Variants in PLXDC2 observed in about 807,000 individuals in gnomAD.
PLXDC2 encodes the protein plexin domain-containing protein 2.
In PLXDC2, 40 loss-of-function variants were observed where a neutral mutation model predicts 68.9. The observed-to-expected ratio is 0.58, with a 90% confidence interval of 0.45 to 0.76. PLXDC2 has a LOEUF of 0.76. PLXDC2 is among the 30% of genes least tolerant of loss of function. The pLI is 0.00. For missense variants in PLXDC2, 644 were observed against 661.9 expected (o/e 0.97, Z 0.30); for synonymous variants, 243 against 234.2 (o/e 1.04, Z -0.34).
At chr10:20,124,565 C>G (rs997137716) in intron 4 of PLXDC2, among the ~76,000 whole-genome samples, 5 of 152,124 alleles carry the variant, frequency 3.3e-5, no homozygotes, top group African/African-American at 1.2e-4. Context: ...GACCACCAAA[C>G]AGGCTTTGTG....
chr10:19,888,891 T>C (rs1837897173), intron 1 of PLXDC2, among the ~76,000 whole-genome samples: 1 of 152,162 alleles, frequency 6.6e-6, no homozygotes, highest in Non-Finnish European at 1.5e-5. Flanking sequence ...TGTCACAGTT[T>C]TGACAATGCC....
At chr10:19,845,526 G>A (rs1453547258) in intron 1 of PLXDC2, among the ~76,000 whole-genome samples, 1 of 152,162 alleles carries the variant, frequency 6.6e-6, no homozygotes, top group Non-Finnish European at 1.5e-5. Context: ...GTGATGCAGG[G>A]CAGGTGACCC....
At chr10:20,271,132 G>GACACACACACATACAC (rs372504677) in intron 13 of PLXDC2, among the ~76,000 whole-genome samples, 11,060 of 97,684 alleles carry the variant, frequency 0.11, 600 homozygotes, top group African/African-American at 0.18. Context: ...ACAAAAAACA[G>GACACACACACATACAC]ACACACACAC....
intron 1 of PLXDC2, among the ~76,000 whole-genome samples, chr10:19,966,980 G>A (rs1486232541): frequency 2.0e-5 from 3 of 152,164 alleles, no homozygotes; most frequent in Admixed American, 1.3e-4. Context: ...CTGCCCAGAC[G>A]TAAATCCCAG....
chr10:20,223,196 A>T (rs1835238323), intron 12 of PLXDC2, among the ~76,000 whole-genome samples: 2 of 152,152 alleles, frequency 1.3e-5, no homozygotes, highest in South Asian at 4.1e-4. Flanking sequence ...GAGGTACAAA[A>T]ATGTTAAGTT....
At chr10:20,009,325 G>C (rs919779821) in intron 2 of PLXDC2, among the ~76,000 whole-genome samples, 3 of 152,140 alleles carry the variant, frequency 2.0e-5, no homozygotes, top group African/African-American at 7.2e-5. Flanking sequence ...CTTTGATATT[G>C]AACAGTCCTT....
At chr10:20,169,762 G>C (rs1022629427) in intron 7 of PLXDC2, among the ~76,000 whole-genome samples, 2 of 152,150 alleles carry the variant, frequency 1.3e-5, no homozygotes, top group African/African-American at 2.4e-5. Flanking sequence ...CTTAAGTAAA[G>C]AGAAAGTTAC....
At position 19,935,526 on chromosome 10, in the gene PLXDC2, C is replaced by T. The variant is rs551762637; in HGVS notation, c.113-66249C>T. ...AGCACACCTGGGAGCTCAGGCTGGA[C>T]GTGCCACCACTTCCTCTTTGGCTGC... On this transcript the variant is annotated intron_variant, in intron 1 of 13. Coordinates refer to ENST00000377252, the MANE Select transcript of PLXDC2 (RefSeq NM_032812.9). Among the ~76,000 whole-genome samples the T allele has an allele frequency of 3.9e-5, 6 of 152,276 alleles. No homozygotes were observed. In the South Asian group the frequency reaches 6.2e-4, roughly 16 times the overall value.
At chr10:19,992,388 G>T (rs944973794) in intron 1 of PLXDC2, among the ~76,000 whole-genome samples, 3 of 152,136 alleles carry the variant, frequency 2.0e-5, no homozygotes, top group Non-Finnish European at 4.4e-5. Context: ...TAGATTTTCA[G>T]ATTTCATTAA....
chr10:19,893,907 T>G (rs1033262921), intron 1 of PLXDC2, among the ~76,000 whole-genome samples: 2 of 152,172 alleles, frequency 1.3e-5, no homozygotes, highest in African/African-American at 4.8e-5. Flanking sequence ...TGAGTAGAGT[T>G]TAGTAAATGA....
In PLXDC2 at chr10:20,288,856, G is replaced by A. The variant is rs1181390680; in HGVS notation, c.*9037G>A. The A allele has an allele frequency of 6.6e-6, 1 of 152,060 alleles. No homozygotes were observed. Among genetic ancestry groups the A allele is most frequent in the Non-Finnish European group, 1.5e-5 (1 of 68,040 alleles). 9.4% of individuals were successfully genotyped at this position (152,060 alleles called of 1,614,324 possible). A position where few individuals can be genotyped will look rare whatever the true frequency, so the allele number is the denominator to read the frequency against. On this transcript the variant is annotated 3_prime_UTR_variant, in exon 14 of 14. Coordinates refer to ENST00000377252, the MANE Select transcript of PLXDC2 (RefSeq NM_032812.9). ...GACACAATTTATCTTTAAAGGTGTG[G>A]AAGCTGGTGGGGACCAAATGTTACC...
intron 1 of PLXDC2, among the ~76,000 whole-genome samples, chr10:19,920,233 G>A (rs1002130345): frequency 6.6e-6 from 1 of 152,136 alleles, no homozygotes; most frequent in African/African-American, 2.4e-5. Context: ...TGGTGGGGTA[G>A]GGGGAAAGGA....
Position 19,898,394 on chromosome 10 carries a change from C to T in PLXDC2, c.112+81203C>T, listed in dbSNP as rs114888896. 4.3e-3 allele frequency among the ~76,000 whole-genome samples: 651 copies of T among 152,264 alleles called. 5 individuals are homozygous for T. Among genetic ancestry groups the T allele is most frequent in the African/African-American group, 0.015 (610 of 41,548 alleles). ...AATTCTCTTTCTCGCGCTGCACTTA[C>T]GAATTTTACACTATATAGTGTCTGG... is the stretch of plus-strand genomic sequence containing the variant. On this transcript the variant is annotated intron_variant, in intron 1 of 13. Coordinates refer to ENST00000377252, the MANE Select transcript of PLXDC2 (RefSeq NM_032812.9).
rs1836204120 is a variant in PLXDC2, at chr10:20,289,628, C to T, written c.*9809C>T. 6.6e-6 allele frequency: 1 copy of T among 152,192 alleles called. No individual in the cohort carries two copies. The highest frequency in any genetic ancestry group is 1.5e-5 in the Non-Finnish European group (1 of 68,052). 9.4% of individuals were successfully genotyped at this position (152,192 alleles called of 1,614,324 possible). Reference sequence around the variant, plus strand: ...CTTCCCCTTTTCCCAATCCTCCACTCTTGGACTACCTTTATAACAACACCG... The same window carrying T: ...CTTCCCCTTTTCCCAATCCTCCACTTTTGGACTACCTTTATAACAACACCG... On this transcript the variant is annotated 3_prime_UTR_variant, in exon 14 of 14. Transcript: ENST00000377252.
intron 9 of PLXDC2, among the ~76,000 whole-genome samples, chr10:20,195,186 G>A (rs1461652058): frequency 6.6e-6 from 1 of 152,090 alleles, no homozygotes; most frequent in Non-Finnish European, 1.5e-5. Context: ...GGTGCAGCCT[G>A]TGGTCCGGGC....
At chr10:19,879,977 G>C (rs569317504) in intron 1 of PLXDC2, among the ~76,000 whole-genome samples, 1 of 152,112 alleles carries the variant, frequency 6.6e-6, no homozygotes, top group African/African-American at 2.4e-5. Context: ...GTGGATTGAC[G>C]TTATTTTGAA....
chr10:19,860,515 T>C (rs1837299575), intron 1 of PLXDC2, among the ~76,000 whole-genome samples: 1 of 152,166 alleles, frequency 6.6e-6, no homozygotes, highest in Non-Finnish European at 1.5e-5. Flanking sequence ...GAAAATAGTT[T>C]TGGGGGAAAT....
At chr10:20,119,954 G>A (rs1271768013) in intron 4 of PLXDC2, among the ~76,000 whole-genome samples, 3 of 152,200 alleles carry the variant, frequency 2.0e-5, no homozygotes, top group Non-Finnish European at 1.5e-5. Flanking sequence ...CATCTGATTA[G>A]AGAGTGCCTA....
At chr10:19,988,170 G>A (rs560155335) in intron 1 of PLXDC2, among the ~76,000 whole-genome samples, 1 of 152,268 alleles carries the variant, frequency 6.6e-6, no homozygotes, top group East Asian at 1.9e-4. Context: ...AATTTTAGAA[G>A]CTCAATGATT....
Sources: allele counts gnomAD v4.1 joint callset (sites outside exome capture counted in the v4.1 genomes callset), GRCh38; gene constraint gnomAD v4.1.1; transcripts MANE v1.5; gene names NCBI Gene and HGNC (gene_info 2026-07-23, HGNC 2026-07-21).